D2HGDH: variants seen among roughly 807,000 people sequenced by gnomAD.
D2HGDH encodes the protein D-2-hydroxyglutarate dehydrogenase, mitochondrial.
D2HGDH carries 31 observed loss-of-function variants against 46.9 expected under a neutral mutation model. The observed-to-expected ratio is 0.66, with a 90% CI of 0.50 to 0.89. The LOEUF (loss-of-function observed/expected upper bound fraction) is 0.89, where lower values mean the gene tolerates loss of function less well. Among genes scored for constraint, D2HGDH ranks in the 40% least tolerant of loss-of-function variants. The pLI, the probability that D2HGDH is intolerant of heterozygous loss-of-function variation, is 0.00. For synonymous variants in D2HGDH, 364 were observed against 332.6 expected, an observed-to-expected ratio of 1.09 and a Z score of -1.03; for missense variants, 698 against 720.8, an observed-to-expected ratio of 0.97 and a Z score of 0.36.
intron 6 of D2HGDH, among the ~76,000 whole-genome samples, chr2:241,747,344 T>C (rs1052868709): frequency 2.0e-5 from 3 of 152,090 alleles, no homozygotes; most frequent in African/African-American, 7.2e-5. Flanking sequence ...AAGAATTATT[T>C]GTAGGGGTTC....
In D2HGDH at chr2:241,753,304, C is replaced by T. The variant is rs138821762; in HGVS notation, c.1140+1916C>T. ...TCTGAGGCTTTTCTGTGCTGTTGTC[C>T]GGTGTTGGCGAGGCTCTGGGCAGGT... On this transcript the variant is annotated intron_variant, in intron 8 of 9. Coordinates refer to ENST00000321264, the MANE Select transcript of D2HGDH (RefSeq NM_152783.5). 9.4e-3 allele frequency among the ~76,000 whole-genome samples: 1,425 copies of T among 152,224 alleles called. 26 individuals carry two copies. Among genetic ancestry groups the T allele is most frequent in the African/African-American group, 0.033 (1,372 of 41,524 alleles).
Position 241,743,167 on chromosome 2 carries a change from C to T in D2HGDH, c.491-455C>T, listed in dbSNP as rs1216865100. Among the ~76,000 whole-genome samples, 1 of 152,154 alleles carries T rather than the reference C, an allele frequency of 6.6e-6. No individual in the cohort carries two copies. The highest frequency in any genetic ancestry group is 1.5e-5 in the Non-Finnish European group (1 of 68,010). On this transcript the variant is annotated intron_variant, in intron 4 of 9. Transcript: ENST00000321264. This position sits in a 1 kb window ranked among gnomAD's most constrained non-coding sequence, Gnocchi z 4.8. ...CCAGGGTCCTGCTCTGGAGCTGGGC[C>T]TCTCCCCGCAAGGCCGGGCTCCAGG...
rs112200248 is a variant in D2HGDH, at chr2:241,738,602, C to G, written c.293-2431C>G. On this transcript the variant is annotated intron_variant, in intron 2 of 9. Coordinates refer to ENST00000321264, the MANE Select transcript of D2HGDH (RefSeq NM_152783.5). Reference sequence around the variant, plus strand: ...ATTGAGGGGTGACCACGCTCTTCCTCTCCTCTGCCTTGCCTGAGCCTGACT... The same window carrying G: ...ATTGAGGGGTGACCACGCTCTTCCTGTCCTCTGCCTTGCCTGAGCCTGACT... Among the ~76,000 whole-genome samples, 192 of 152,348 alleles carry G rather than the reference C, an allele frequency of 1.3e-3. 2 individuals carry two copies. Among genetic ancestry groups the G allele is most frequent in the African/African-American group, 4.1e-3 (169 of 41,590 alleles).
rs144372706 is a variant in D2HGDH at position 241,742,029 on chromosome 2, C to T, written c.351-406C>T. Reference sequence around the variant, plus strand: ...GTTGGGAGGGAGGTATCCTTGGGCACACGTCTGGGGGATAATGGGCCGAGG... The same window carrying T: ...GTTGGGAGGGAGGTATCCTTGGGCATACGTCTGGGGGATAATGGGCCGAGG... On this transcript the variant is annotated intron_variant, in intron 3 of 9. Coordinates refer to ENST00000321264, the MANE Select transcript of D2HGDH (RefSeq NM_152783.5). This position sits in a 1 kb window ranked among gnomAD's most constrained non-coding sequence, Gnocchi z 4.8. Among the ~76,000 whole-genome samples, 127 of 152,236 alleles carry T rather than the reference C, an allele frequency of 8.3e-4. No individual in the cohort carries two copies. Among genetic ancestry groups the T allele is most frequent in the African/African-American group, 2.9e-3 (119 of 41,512 alleles).
In D2HGDH at chr2:241,736,670, C is replaced by CTTTTTTTTTTT. The variant is rs768906916; in HGVS notation, c.292+1154_292+1155insTTTTTTTTTTT. On this transcript the variant is annotated intron_variant, in intron 2 of 9. Transcript: ENST00000321264. ...ATTACATCTGCAAAGACCGTTTATC[C>CTTTTTTTTTTT]GTTTTTTTTTTTTTTGGAGATGAAG... Among the ~76,000 whole-genome samples, 2 of 147,400 alleles carry CTTTTTTTTTTT rather than the reference C, an allele frequency of 1.4e-5. 1 individual carries two copies.
In D2HGDH at chr2:241,740,278, C is replaced by T. The variant is rs376695826; in HGVS notation, c.293-755C>T. Among the ~76,000 whole-genome samples, 12 of 152,310 alleles carry T rather than the reference C, an allele frequency of 7.9e-5. 1 individual carries two copies. The highest frequency in any genetic ancestry group is 1.3e-4 in the Admixed American group (2 of 15,302). ...TGAAGCTTGAGGAGCAACAGGATGT[C>T]CACATAGTCTCAAGCGTCTGCTTGT... On this transcript the variant is annotated intron_variant, in intron 2 of 9. Coordinates refer to ENST00000321264, the MANE Select transcript of D2HGDH (RefSeq NM_152783.5).
Position 241,735,184 on chromosome 2 carries a change from C to A in D2HGDH, c.-41C>A, listed in dbSNP as rs1483444611. ...TCCCCTCCGGGCCCTGAGTACCGGCCCCCCACCAAGGAGGAGCCCGAGGTC... is the reference window on the plus strand; with the variant it reads ...TCCCCTCCGGGCCCTGAGTACCGGCACCCCACCAAGGAGGAGCCCGAGGTC... On this transcript the variant is annotated 5_prime_UTR_variant, in exon 2 of 10. Coordinates refer to ENST00000321264, the MANE Select transcript of D2HGDH (RefSeq NM_152783.5). 3 of 1,487,768 alleles carry A rather than the reference C, an allele frequency of 2.0e-6. No homozygotes were observed. The highest frequency in any genetic ancestry group is 2.3e-5 in the Admixed American group (1 of 43,554). 92.2% of individuals were successfully genotyped at this position (1,487,768 alleles called of 1,614,324 possible). A position where few individuals can be genotyped will look rare whatever the true frequency, so the allele number is the denominator to read the frequency against.
chr2:241,744,481 C>G (rs1472553210), intron 5 of D2HGDH, among the ~76,000 whole-genome samples: 2 of 152,230 alleles, frequency 1.3e-5, no homozygotes, highest in Non-Finnish European at 2.9e-5. Context: ...CTGGGCTGGG[C>G]TCACGCCCTA....
chr2:241,750,405 G>GT, intron 7 of D2HGDH, 111 bp downstream of exon 7: 1 of 988,690 alleles, frequency 1.0e-6, no homozygotes, highest in Non-Finnish European at 1.5e-6. Context: ...GGGCGGGCGG[G>GT]TGGGGGGTCC....
In D2HGDH at chr2:241,762,069, CTTTTTTTT is replaced by C. The variant is rs564362722; in HGVS notation, c.1307-5628_1307-5621del. 2.9e-3 allele frequency among the ~76,000 whole-genome samples: 315 copies of C among 108,148 alleles called. 1 individual carries two copies. Among genetic ancestry groups the C allele is most frequent in the African/African-American group, 0.012 (294 of 24,080 alleles). The allele number at this position is 108,148 out of a possible 152,430, so 70.9% of individuals were successfully genotyped here. A position where few individuals can be genotyped will look rare whatever the true frequency, so the allele number is the denominator to read the frequency against. On this transcript the variant is annotated intron_variant, in intron 9 of 9. Transcript: ENST00000321264. The stretch of plus-strand genomic sequence containing the variant: ...AAATAATTTCTTTCTTTTTCTTTTC[CTTTTTTTT>C]TTTTTTTTTTTTGAGATGGAGTCCC...
chr2:241,737,564 A>T (rs1400171891), intron 2 of D2HGDH, among the ~76,000 whole-genome samples: 2 of 152,060 alleles, frequency 1.3e-5, no homozygotes, highest in African/African-American at 4.8e-5. Context: ...ATCTCCCCTT[A>T]CTGCAACCTC....
At chr2:241,750,914 C>T (rs1697071762) in intron 7 of D2HGDH, among the ~76,000 whole-genome samples, 1 of 152,154 alleles carries the variant, frequency 6.6e-6, no homozygotes, top group Non-Finnish European at 1.5e-5. Flanking sequence ...CCTGCCACCA[C>T]ACTCAGCTAA....
At chr2:241,755,206 T>C (rs757734453) in intron 8 of D2HGDH, 2 of 1,275,176 alleles carry the variant, frequency 1.6e-6, no homozygotes, top group South Asian at 1.3e-5. Context: ...TCCCTCCTCC[T>C]CCACGGCCCG....
At chr2:241,751,419 T>A in intron 8 of D2HGDH, 31 bp downstream of exon 8, 1 of 1,611,180 alleles carries the variant, frequency 6.2e-7, no homozygotes, top group Non-Finnish European at 8.5e-7. Context: ...AGGTCCCCGC[T>A]CTCTGTCCGT....
chr2:241,764,999 GC>G (rs1445089361), intron 9 of D2HGDH, among the ~76,000 whole-genome samples: 1 of 152,232 alleles, frequency 6.6e-6, no homozygotes, highest in Admixed American at 6.5e-5. Flanking sequence ...TGCCCTGGGG[GC>G]TCAGTGTGGG....
chr2:241,755,453 G>T, intron 8 of D2HGDH: 4 of 1,314,172 alleles, frequency 3.0e-6, no homozygotes, highest in Non-Finnish European at 3.0e-6. Context: ...GCCACTCTGT[G>T]CCGTGTCATG....
intron 9 of D2HGDH, among the ~76,000 whole-genome samples, chr2:241,759,901 C>G (rs905985466): frequency 2.0e-5 from 3 of 152,238 alleles, no homozygotes; most frequent in African/African-American, 4.8e-5. Flanking sequence ...CCCTGGTACC[C>G]TCGTTTGGTC....
At chr2:241,740,117 A>T (rs1694038679) in intron 2 of D2HGDH, among the ~76,000 whole-genome samples, 1 of 152,214 alleles carries the variant, frequency 6.6e-6, no homozygotes. Context: ...TGTACTCCAG[A>T]CTGGGTGACG....
At chr2:241,751,753 G>T (rs986907113) in intron 8 of D2HGDH, among the ~76,000 whole-genome samples, 2 of 152,148 alleles carry the variant, frequency 1.3e-5, no homozygotes, top group Non-Finnish European at 2.9e-5. Context: ...GAGCCCCTGG[G>T]GCTGTGGAGG....
Sources: gnomAD v4.1 joint callset for allele counts (sites outside exome capture counted in the v4.1 genomes callset) on GRCh38, gnomAD v4.1.1 for gene constraint, Gnocchi (gnomAD v3.1) non-coding constraint, MANE v1.5 for transcripts, NCBI Gene and HGNC (gene_info 2026-07-23, HGNC 2026-07-21) for gene names.